The following GPR149 variants were observed in gnomAD, a reference collection of about 807,000 sequenced individuals.
The protein encoded by GPR149 is probable G protein-coupled receptor 149.
Under a neutral mutation model 50.2 loss-of-function variants are expected in GPR149, and 50 were observed. The ratio of observed to expected loss-of-function variants is 1.00; its 90% CI spans 0.79 to 1.26. The LOEUF (loss-of-function observed/expected upper bound fraction) is 1.26. Among genes scored for constraint, GPR149 ranks in the 50% most tolerant of loss-of-function variants. GPR149 has a pLI of 0.00. For synonymous variants in GPR149, 405 were observed against 358.2 expected (o/e 1.13, Z -1.48); for missense variants, 983 against 895.4 (o/e 1.10, Z -1.25).
intron 3 of GPR149, among the ~76,000 whole-genome samples, chr3:154,418,066 G>C (rs1037682421): frequency 2.7e-5 from 4 of 149,424 alleles, no homozygotes; most frequent in Admixed American, 6.7e-5. Context: ...ATGAAAAAAT[G>C]CTCATCATCA....
intron 3 of GPR149, among the ~76,000 whole-genome samples, chr3:154,345,519 G>A (rs1329175785): frequency 1.3e-5 from 2 of 152,196 alleles, no homozygotes; most frequent in Non-Finnish European, 2.9e-5. Context: ...ATATTCTTGA[G>A]TGTAGGTGGC....
chr3:154,390,095 C>T (rs1339183253), intron 3 of GPR149, among the ~76,000 whole-genome samples: 1 of 152,024 alleles, frequency 6.6e-6, no homozygotes, highest in East Asian at 1.9e-4. Flanking sequence ...TTGAGGGGCC[C>T]CTGGAATCTC....
intron 3 of GPR149, among the ~76,000 whole-genome samples, chr3:154,361,528 T>C (rs1714400049): frequency 1.3e-5 from 2 of 152,240 alleles, no homozygotes; most frequent in South Asian, 2.1e-4. Flanking sequence ...ATTATTTATA[T>C]AGTGGATAGG....
At chr3:154,398,858 A>C (rs543897482) in intron 3 of GPR149, among the ~76,000 whole-genome samples, 1 of 152,218 alleles carries the variant, frequency 6.6e-6, no homozygotes, top group Non-Finnish European at 1.5e-5. Context: ...GATCAAGTCA[A>C]CTCTGCTTAA....
At chr3:154,406,013 T>C (rs1175959833) in intron 3 of GPR149, among the ~76,000 whole-genome samples, 4 of 151,824 alleles carry the variant, frequency 2.6e-5, no homozygotes, top group African/African-American at 7.2e-5. Flanking sequence ...ATTTGTAACA[T>C]AGGATATAAT....
chr3:154,398,562 C>G (rs1286974742), intron 3 of GPR149, among the ~76,000 whole-genome samples: 4 of 151,994 alleles, frequency 2.6e-5, no homozygotes, highest in Admixed American at 2.6e-4. Context: ...CAGCTGAGAA[C>G]AGGAAGCTTT....
intron 3 of GPR149, among the ~76,000 whole-genome samples, chr3:154,367,130 T>C (rs943720702): frequency 6.6e-6 from 1 of 152,192 alleles, no homozygotes; most frequent in Non-Finnish European, 1.5e-5. Context: ...CTGAGCTTCC[T>C]GGGTCAAGTA....
At chr3:154,365,727 G>A (rs1317802823) in intron 3 of GPR149, among the ~76,000 whole-genome samples, 1 of 152,084 alleles carries the variant, frequency 6.6e-6, no homozygotes, top group Non-Finnish European at 1.5e-5. Context: ...CATAATTCAG[G>A]CAGTTCTTTG....
At chr3:154,365,446 A>G (rs554314922) in intron 3 of GPR149, among the ~76,000 whole-genome samples, 37 of 152,228 alleles carry the variant, frequency 2.4e-4, no homozygotes, top group Non-Finnish European at 4.6e-4. Context: ...TTCCTTATCA[A>G]TGAGTAGCTT....
At position 154,336,483 on chromosome 3, in the gene GPR149, A is replaced by T. The variant is rs1026200898; in HGVS notation, c.*1216T>A. 12 of 152,224 alleles carry T rather than the reference A, an allele frequency of 7.9e-5. No individual in the cohort carries two copies. Among genetic ancestry groups the T allele is most frequent in the African/African-American group, 2.9e-4 (12 of 41,578 alleles). 9.4% of individuals were successfully genotyped at this position (152,224 alleles called of 1,614,324 possible). On this transcript the variant is annotated 3_prime_UTR_variant, in exon 4 of 4. Transcript: ENST00000389740. ...TAAACTTTTAGGTAATACATTTCAT[A>T]TATGTTTACAGGAAGGTTAGAATAA...
At chr3:154,419,518 T>C (rs1374967787) in intron 3 of GPR149, among the ~76,000 whole-genome samples, 4 of 152,036 alleles carry the variant, frequency 2.6e-5, no homozygotes, top group African/African-American at 7.2e-5. Context: ...CATGATACCA[T>C]CTTTAGAAGG....
chr3:154,348,113 A>G (rs1056692879), intron 3 of GPR149, among the ~76,000 whole-genome samples: 1 of 152,194 alleles, frequency 6.6e-6, no homozygotes, highest in Non-Finnish European at 1.5e-5. Context: ...AATGTTAGTT[A>G]TTATTGGAAG....
chr3:154,411,225 C>T (rs570464431), intron 3 of GPR149, among the ~76,000 whole-genome samples: 21 of 152,144 alleles, frequency 1.4e-4, no homozygotes, highest in Non-Finnish European at 2.6e-4. Flanking sequence ...GTATTAAATA[C>T]CTACATCAAA....
intron 3 of GPR149, among the ~76,000 whole-genome samples, chr3:154,380,239 T>C (rs932277550): frequency 9.3e-5 from 14 of 150,882 alleles, no homozygotes; most frequent in Admixed American, 8.0e-4. Flanking sequence ...CTGGCAAGTA[T>C]CAATGGTGTG....
intron 3 of GPR149, among the ~76,000 whole-genome samples, chr3:154,345,103 T>A (rs1208011320): frequency 6.6e-6 from 1 of 152,208 alleles, no homozygotes; most frequent in Non-Finnish European, 1.5e-5. Flanking sequence ...CCTATAACAG[T>A]GTCTGGCATA....
intron 3 of GPR149, among the ~76,000 whole-genome samples, chr3:154,416,466 A>G (rs1286211799): frequency 6.6e-6 from 1 of 151,816 alleles, no homozygotes; most frequent in African/African-American, 2.4e-5. Flanking sequence ...TGTACATTAA[A>G]ACTTGAGAAG....
intron 3 of GPR149, among the ~76,000 whole-genome samples, chr3:154,380,021 ATCT>A (rs759681157): frequency 2.4e-4 from 36 of 152,246 alleles, no homozygotes; most frequent in African/African-American, 8.4e-4. Context: ...ACCCAGAATG[ATCT>A]TCTATTGTCT....
Position 154,429,075 on chromosome 3 carries a change from C to T in GPR149, c.541G>A (p.Gly181Ser), listed in dbSNP as rs1402559153. 6.2e-7 allele frequency: 1 copy of T among 1,613,800 alleles called. No individual in the cohort carries two copies. The highest frequency in any genetic ancestry group is 1.7e-5 in the Admixed American group (1 of 60,026). The change falls in exon 1 of 4, where the codon GGC becomes AGC. Residue 181 changes from glycine (G) to serine (S), a missense_variant. Physicochemically the swap from Gly to Ser is moderately conservative, Grantham distance 56. Transcript: ENST00000389740. Reference protein sequence around the residue: ...GWGAFVRTPWGCLVDCSSSYV... With the variant: ...GWGAFVRTPWSCLVDCSSSYV... ...GAGCTGGAGCAGTCCACCAGGCAGC[C>T]CCAGGGCGTGCGCACGAAGGCGCCC... is the stretch of plus-strand genomic sequence containing the variant.
chr3:154,408,140 A>G lies in GPR149; in HGVS notation c.1623+12899T>C, dbSNP rs548615510. On this transcript the variant is annotated intron_variant, in intron 3 of 3. Coordinates refer to ENST00000389740, the MANE Select transcript of GPR149 (RefSeq NM_001038705.3). Reference sequence around the variant, plus strand: ...AGGAGAAGAGATAGCTTTTCCTTACAGTAGAATTCCTATGCTAAATATAGA... The same window carrying G: ...AGGAGAAGAGATAGCTTTTCCTTACGGTAGAATTCCTATGCTAAATATAGA... Among the ~76,000 whole-genome samples, 13 of 152,322 alleles carry G rather than the reference A, an allele frequency of 8.5e-5. No individual in the cohort carries two copies. In the South Asian group the frequency reaches 2.5e-3, roughly 29 times the overall value.
Sources: allele counts gnomAD v4.1 joint callset (sites outside exome capture counted in the v4.1 genomes callset), GRCh38; gene constraint gnomAD v4.1.1; transcripts MANE v1.5; gene names NCBI Gene and HGNC (gene_info 2026-07-23, HGNC 2026-07-21).